SLC4A10: variants seen among roughly 807,000 people sequenced by gnomAD.
The protein encoded by SLC4A10 is sodium-driven chloride bicarbonate exchanger.
In SLC4A10, 42 loss-of-function variants were observed where a neutral mutation model predicts 137.7. The ratio of observed to expected loss-of-function variants is 0.30; its 90% CI spans 0.24 to 0.39. SLC4A10 has a LOEUF of 0.39. SLC4A10 is among the 10% of genes least tolerant of loss of function. The pLI is 1.00. For missense variants in SLC4A10, 925 were observed against 1,355.0 expected (o/e 0.68, Z 4.98); for synonymous variants, 474 against 464.1 (o/e 1.02, Z -0.27).
At chr2:161,652,327 T>C (rs916557067) in intron 1 of SLC4A10, among the ~76,000 whole-genome samples, 4 of 152,246 alleles carry the variant, frequency 2.6e-5, no homozygotes, top group Non-Finnish European at 5.9e-5. Context: ...GAGTCAATAC[T>C]ATGTTATTTA....
At chr2:161,881,116 TAAAG>T (rs940632488) in intron 9 of SLC4A10, among the ~76,000 whole-genome samples, 1 of 151,962 alleles carries the variant, frequency 6.6e-6, no homozygotes, top group Non-Finnish European at 1.5e-5. Context: ...ACAAACAAAA[TAAAG>T]AAAGCCATTC....
At chr2:161,921,357 C>G (rs552236598) in intron 15 of SLC4A10, among the ~76,000 whole-genome samples, 22 of 152,162 alleles carry the variant, frequency 1.4e-4, no homozygotes, top group African/African-American at 5.3e-4. Flanking sequence ...TAAGTTTTAT[C>G]TGGTACAAAG....
chr2:161,653,149 G>T (rs569856185), intron 1 of SLC4A10, among the ~76,000 whole-genome samples: 1 of 152,182 alleles, frequency 6.6e-6, no homozygotes, highest in South Asian at 2.1e-4. Flanking sequence ...ATGGTTTCCA[G>T]CTTCATCCAT....
intron 3 of SLC4A10, among the ~76,000 whole-genome samples, chr2:161,816,374 A>G (rs1042267732): frequency 2.0e-5 from 3 of 152,192 alleles, no homozygotes; most frequent in Non-Finnish European, 4.4e-5. Flanking sequence ...TATGTTGTTA[A>G]TTGCAGTATG....
At chr2:161,725,663 A>G (rs542120547) in intron 1 of SLC4A10, among the ~76,000 whole-genome samples, 11 of 152,304 alleles carry the variant, frequency 7.2e-5, no homozygotes, top group Non-Finnish European at 1.5e-4. Flanking sequence ...CGGGTGGTGT[A>G]ATCATTTGAG....
chr2:161,956,100 C>T (rs1559622032), intron 19 of SLC4A10, among the ~76,000 whole-genome samples: 1 of 152,110 alleles, frequency 6.6e-6, no homozygotes, highest in African/African-American at 2.4e-5. Context: ...ACAAAAGAAA[C>T]ATTTATTGTT....
chr2:161,835,012 A>G (rs2058672654), intron 3 of SLC4A10, among the ~76,000 whole-genome samples: 1 of 149,478 alleles, frequency 6.7e-6, no homozygotes, highest in African/African-American at 2.5e-5. Flanking sequence ...TTCTAGGACC[A>G]TTGTGTGAAC....
chr2:161,781,599 G>T (rs2053024719), intron 2 of SLC4A10, among the ~76,000 whole-genome samples: 1 of 152,022 alleles, frequency 6.6e-6, no homozygotes, highest in Non-Finnish European at 1.5e-5. Context: ...AACTTGTTTA[G>T]TGCTGCTAGT....
intron 21 of SLC4A10, among the ~76,000 whole-genome samples, chr2:161,961,221 A>G (rs1305248535): frequency 6.6e-6 from 1 of 152,198 alleles, no homozygotes; most frequent in Non-Finnish European, 1.5e-5. Flanking sequence ...ATGACTAACC[A>G]GCTTCTGACT....
rs531634924 is a variant in SLC4A10, at chr2:161,919,699, T to C, written c.1997+13812T>C. On this transcript the variant is annotated intron_variant, in intron 15 of 26. Coordinates refer to ENST00000446997, the MANE Select transcript of SLC4A10 (RefSeq NM_001178015.2). ...CTCTAGTTGTCTGCATATCCCATTC[T>C]TCCTGGATGTAGGACAAGAACTTGG... Among the ~76,000 whole-genome samples the C allele has an allele frequency of 5.9e-5, 9 of 152,328 alleles. No homozygotes were observed. The East Asian group carries it at 1.7e-3, about 29-fold the overall frequency.
chr2:161,801,321 TA>T (rs1330861242), intron 2 of SLC4A10, among the ~76,000 whole-genome samples: 1 of 152,026 alleles, frequency 6.6e-6, no homozygotes, highest in African/African-American at 2.4e-5. Flanking sequence ...CTTTATATCC[TA>T]CTTACCTCTT....
At chr2:161,887,451 A>G (rs1489476308) in intron 10 of SLC4A10, among the ~76,000 whole-genome samples, 1 of 151,998 alleles carries the variant, frequency 6.6e-6, no homozygotes, top group African/African-American at 2.4e-5. Context: ...TTCTATTTCT[A>G]CACATCCCCT....
At chr2:161,748,438 G>T (rs1428423395) in intron 1 of SLC4A10, among the ~76,000 whole-genome samples, 2 of 141,252 alleles carry the variant, frequency 1.4e-5, no homozygotes, top group African/African-American at 5.2e-5. Context: ...TTTTGAGTTT[G>T]TGTGTGTGTG....
At chr2:161,688,193 A>G (rs1330125678) in intron 1 of SLC4A10, among the ~76,000 whole-genome samples, 2 of 152,200 alleles carry the variant, frequency 1.3e-5, no homozygotes, top group Non-Finnish European at 2.9e-5. Context: ...AGTGTTACCA[A>G]TGAAAAACTC....
chr2:161,827,879 T>A (rs2058128357), intron 3 of SLC4A10, among the ~76,000 whole-genome samples: 1 of 152,210 alleles, frequency 6.6e-6, no homozygotes, highest in Non-Finnish European at 1.5e-5. Context: ...TTTATGTGAT[T>A]CTTTATTGCT....
intron 11 of SLC4A10, among the ~76,000 whole-genome samples, chr2:161,895,574 G>T (rs2105232421): frequency 6.6e-6 from 1 of 152,258 alleles, no homozygotes; most frequent in African/African-American, 2.4e-5. Context: ...TCCAGCACCT[G>T]TTGTTTCCTG....
intron 1 of SLC4A10, among the ~76,000 whole-genome samples, chr2:161,697,149 G>GT (rs2042598895): frequency 6.6e-6 from 1 of 151,584 alleles, no homozygotes; most frequent in South Asian, 2.1e-4. Flanking sequence ...TTTTTGATGG[G>GT]GTTTTTTGTT....
chr2:161,752,191 G>C (rs1037839692), intron 1 of SLC4A10, among the ~76,000 whole-genome samples: 1 of 151,930 alleles, frequency 6.6e-6, no homozygotes, highest in Non-Finnish European at 1.5e-5. Flanking sequence ...TCTCACTTGA[G>C]TAGGTTTTAC....
intron 1 of SLC4A10, among the ~76,000 whole-genome samples, chr2:161,683,751 C>T (rs770161065): frequency 6.6e-6 from 1 of 152,062 alleles, no homozygotes; most frequent in African/African-American, 2.4e-5. Flanking sequence ...TAAATGTTAT[C>T]ATTTTGTAAC....
Sources: gnomAD v4.1 joint callset for allele counts (sites outside exome capture counted in the v4.1 genomes callset) on GRCh38, gnomAD v4.1.1 for gene constraint, MANE v1.5 for transcripts, NCBI Gene and HGNC (gene_info 2026-07-23, HGNC 2026-07-21) for gene names.